The following CCSER1 variants were observed in gnomAD, a reference collection of about 807,000 sequenced individuals.
The protein encoded by CCSER1 is coiled-coil serine rich protein 1, also known as serine-rich coiled-coil domain-containing protein 1.
Under a neutral mutation model 82.0 loss-of-function variants are expected in CCSER1, and 41 were observed. The observed-to-expected ratio is 0.50, with a 90% confidence interval of 0.39 to 0.65. CCSER1 has a LOEUF of 0.65. Ranked by LOEUF, CCSER1 falls within the 30% of genes least tolerant of loss-of-function variation. The pLI is 0.00. For missense variants in CCSER1, 1,119 were observed against 1,064.2 expected (o/e 1.05, Z -0.72); for synonymous variants, 414 against 383.9 (o/e 1.08, Z -0.92).
At chr4:91,584,728 A>G (rs1003765573) in intron 10 of CCSER1, among the ~76,000 whole-genome samples, 1 of 151,416 alleles carries the variant, frequency 6.6e-6, no homozygotes, top group Non-Finnish European at 1.5e-5. Context: ...AAGTCTATAT[A>G]TTTTTCTTCA....
At chr4:90,627,308 G>A (rs1311573210) in intron 5 of CCSER1, among the ~76,000 whole-genome samples, 1 of 151,906 alleles carries the variant, frequency 6.6e-6, no homozygotes, top group African/African-American at 2.4e-5. Flanking sequence ...TTTCTTATCT[G>A]TATTATTGCC....
chr4:91,155,031 C>A (rs1216003557), intron 10 of CCSER1, among the ~76,000 whole-genome samples: 2 of 78,958 alleles, frequency 2.5e-5, no homozygotes, highest in African/African-American at 6.4e-5. Context: ...GCTTTTCTGG[C>A]CTTAAAAAAA....
chr4:90,852,581 G>A (rs777639488), intron 8 of CCSER1, among the ~76,000 whole-genome samples: 25 of 152,280 alleles, frequency 1.6e-4, no homozygotes, highest in Non-Finnish European at 3.2e-4. Flanking sequence ...ATCAGAACTA[G>A]GAAAGAAAAC....
At chr4:90,517,156 A>G (rs955300553) in intron 5 of CCSER1, among the ~76,000 whole-genome samples, 38 of 152,178 alleles carry the variant, frequency 2.5e-4, no homozygotes, top group African/African-American at 8.7e-4. Context: ...ATCTAACACG[A>G]AGCCTATTTT....
chr4:91,246,607 T>C (rs2149138103), intron 10 of CCSER1, among the ~76,000 whole-genome samples: 1 of 152,242 alleles, frequency 6.6e-6, no homozygotes, highest in South Asian at 2.1e-4. Context: ...TGCAGCACTG[T>C]TTACAATAGC....
At chr4:91,297,473 T>C (rs1437536760) in intron 10 of CCSER1, among the ~76,000 whole-genome samples, 2 of 150,458 alleles carry the variant, frequency 1.3e-5, no homozygotes, top group African/African-American at 4.9e-5. Context: ...TCTAGTATGA[T>C]GAGAGTAGGT....
At chr4:90,734,712 AT>A (rs372004250) in intron 7 of CCSER1, among the ~76,000 whole-genome samples, 28 of 152,194 alleles carry the variant, frequency 1.8e-4, no homozygotes, top group East Asian at 1.7e-3. Flanking sequence ...AATTCTAATA[AT>A]TTTTTTGGTG....
intron 10 of CCSER1, among the ~76,000 whole-genome samples, chr4:91,454,441 C>A (rs1382085651): frequency 6.6e-6 from 1 of 152,006 alleles, no homozygotes; most frequent in African/African-American, 2.4e-5. Context: ...CCACCTTCTA[C>A]TTATAAGGAC....
intron 5 of CCSER1, among the ~76,000 whole-genome samples, chr4:90,546,915 G>A (rs925468480): frequency 2.0e-5 from 3 of 151,788 alleles, no homozygotes; most frequent in Non-Finnish European, 4.4e-5. Context: ...TTTATCAGAA[G>A]CAGAACACTA....
chr4:90,636,806 C>T (rs763584341), intron 6 of CCSER1, among the ~76,000 whole-genome samples: 17 of 152,136 alleles, frequency 1.1e-4, no homozygotes, highest in African/African-American at 3.1e-4. Flanking sequence ...GTTTGCTGTA[C>T]GTGTGCTAGA....
At position 91,048,226 on chromosome 4, in the gene CCSER1, TG is replaced by T. The variant is rs574867974; in HGVS notation, c.2173-37723del. 2.5e-3 allele frequency among the ~76,000 whole-genome samples: 376 copies of T among 152,142 alleles called. 2 individuals carry two copies. The highest frequency in any genetic ancestry group is 8.6e-3 in the African/African-American group (356 of 41,538). On this transcript the variant is annotated intron_variant, in intron 9 of 10. Transcript: ENST00000509176. Reference sequence around the variant, plus strand: ...AGATGGCAGTGACTATACTATTTTATGTATGAAATAGACATCATATAAGATT... The same window carrying T: ...AGATGGCAGTGACTATACTATTTTATTATGAAATAGACATCATATAAGATT...
intron 9 of CCSER1, among the ~76,000 whole-genome samples, chr4:90,980,588 G>A (rs972270395): frequency 9.2e-5 from 14 of 151,772 alleles, no homozygotes; most frequent in Admixed American, 2.6e-4. Flanking sequence ...TTGCAGTATT[G>A]GGTTGTTGTA....
At chr4:90,136,684 T>C (rs983545091) in intron 1 of CCSER1, among the ~76,000 whole-genome samples, 4 of 152,224 alleles carry the variant, frequency 2.6e-5, no homozygotes, top group South Asian at 4.1e-4. Flanking sequence ...TTTAGAGAAC[T>C]GTTTTTGTTT....
chr4:91,573,681 T>C (rs557304205), intron 10 of CCSER1, among the ~76,000 whole-genome samples: 48 of 152,300 alleles, frequency 3.2e-4, no homozygotes, highest in African/African-American at 1.1e-3. Flanking sequence ...TGCTTTGCTT[T>C]TCTTTGTTTT....
chr4:91,398,369 A>G (rs1433717419), intron 10 of CCSER1, among the ~76,000 whole-genome samples: 2 of 151,994 alleles, frequency 1.3e-5, no homozygotes, highest in Non-Finnish European at 2.9e-5. Flanking sequence ...AAGATAATTT[A>G]AGAGGCTTTA....
chr4:91,498,069 C>G (rs1235581524), intron 10 of CCSER1, among the ~76,000 whole-genome samples: 2 of 151,920 alleles, frequency 1.3e-5, no homozygotes, highest in Non-Finnish European at 2.9e-5. Context: ...TGCATCCGGC[C>G]CTTGATATTG....
At chr4:90,886,257 TC>T (rs1722105736) in intron 8 of CCSER1, among the ~76,000 whole-genome samples, 2 of 152,326 alleles carry the variant, frequency 1.3e-5, no homozygotes, top group East Asian at 3.9e-4. Flanking sequence ...AGAGGTAGGC[TC>T]CTTTAACCCT....
At chr4:90,160,151 C>T (rs1453501990) in intron 1 of CCSER1, among the ~76,000 whole-genome samples, 1 of 152,168 alleles carries the variant, frequency 6.6e-6, no homozygotes, top group Admixed American at 6.5e-5. Flanking sequence ...TCAACCAGTG[C>T]ACATTGCTCT....
At chr4:90,271,854 ATATATATATTTTTTT>A (rs1210856837) in intron 1 of CCSER1, among the ~76,000 whole-genome samples, 5 of 25,682 alleles carry the variant, frequency 1.9e-4, no homozygotes, top group Admixed American at 3.9e-4. Context: ...ATATATATAT[ATATATATATTTTTTT>A]TTTTTTTTTT....
Sources: gnomAD v4.1 joint callset for allele counts (sites outside exome capture counted in the v4.1 genomes callset) on GRCh38, gnomAD v4.1.1 for gene constraint, MANE v1.5 for transcripts, NCBI Gene and HGNC (gene_info 2026-07-23, HGNC 2026-07-21) for gene names.